SIGLEC6: variants seen among roughly 807,000 people sequenced by gnomAD.
SIGLEC6 encodes the protein sialic acid-binding Ig-like lectin 6.
In SIGLEC6, 31 loss-of-function variants were observed where a neutral mutation model predicts 41.4. The observed-to-expected ratio is 0.75, with a 90% confidence interval of 0.56 to 1.01. The LOEUF is 1.01. SIGLEC6 is among the 50% of genes least tolerant of loss of function. The pLI, the probability that SIGLEC6 is intolerant of heterozygous loss-of-function variation, is 0.00. For synonymous variants in SIGLEC6, 217 were observed against 231.0 expected, an observed-to-expected ratio of 0.94 and a Z score of 0.55; for missense variants, 555 against 558.6, an observed-to-expected ratio of 0.99 and a Z score of 0.06.
At position 51,520,224 on chromosome 19, in the gene SIGLEC6, A is replaced by G; in HGVS notation, c.1220T>C (p.Val407Ala). 1 of 1,601,276 alleles carries G rather than the reference A, an allele frequency of 6.2e-7. No homozygotes were observed. The highest frequency in any genetic ancestry group is 8.5e-7 in the Non-Finnish European group (1 of 1,170,556). Residue 407 changes from valine to alanine, a missense_variant, in exon 8 of 8, where the codon GTT (valine) becomes GCT (alanine). By Grantham distance (64) the Val-to-Ala change is moderately conservative. Coordinates refer to ENST00000425629, the MANE Select transcript of SIGLEC6 (RefSeq NM_001245.7). ...GHQHQFQTGI[V>A]SDHPAEAGPI... is the part of the protein sequence containing the mutation. ...GCCAGCCTCAGCAGGGTGGTCTGAAACTATGCCTGTCTGGAACTGGTGCTG... is the reference window on the plus strand; with the variant it reads ...GCCAGCCTCAGCAGGGTGGTCTGAAGCTATGCCTGTCTGGAACTGGTGCTG...
chr19:51,530,254 A>T (rs542291211), intron 4 of SIGLEC6, among the ~76,000 whole-genome samples, 183 bp downstream of exon 4: 1 of 152,188 alleles, frequency 6.6e-6, no homozygotes, highest in South Asian at 2.1e-4. Context: ...AAGAGAGAAG[A>T]GGGAGTGCGA....
intron 6 of SIGLEC6, 78 bp from the exon 7 acceptor site, chr19:51,527,906 C>T: frequency 7.2e-7 from 1 of 1,394,768 alleles, no homozygotes; most frequent in Non-Finnish European, 1.0e-6. Flanking sequence ...TCCCCACTCC[C>T]TATGGAGAGT....
intron 7 of SIGLEC6, among the ~76,000 whole-genome samples, 195 bp downstream of exon 7, chr19:51,527,552 T>C (rs551272407): frequency 6.6e-6 from 1 of 152,232 alleles, no homozygotes; most frequent in Admixed American, 6.5e-5. Flanking sequence ...ACTATTAGAT[T>C]CAGTTCCAAA....
chr19:51,522,965 G>A (rs12461773), intron 7 of SIGLEC6, among the ~76,000 whole-genome samples: 9,827 of 152,152 alleles, frequency 0.065, 358 homozygotes, highest in South Asian at 0.12. Context: ...GTGAGACCCT[G>A]TCTTTACAAA....
chr19:51,523,430 T>G (rs1360405917), intron 7 of SIGLEC6, among the ~76,000 whole-genome samples: 2 of 152,146 alleles, frequency 1.3e-5, no homozygotes, highest in East Asian at 3.8e-4. Context: ...GATTAAAATG[T>G]TTTCACAATA....
rs1568555028 is a variant in SIGLEC6 at position 51,529,929 on chromosome 19, A to T, written c.807T>A (p.Ala269=). The T allele has an allele frequency of 6.2e-7, 1 of 1,612,736 alleles. No individual in the cohort carries two copies. Reference sequence around the variant, plus strand: ...CGTCAGCATCACAGAGCAGCCGCAGAGCCTGGCCCTCCAGGACAGGGAGGG... The same window carrying T: ...CGTCAGCATCACAGAGCAGCCGCAGTGCCTGGCCCTCCAGGACAGGGAGGG... The part of the protein sequence containing the change: ...TSSLPVLEGQ[A]LRLLCDADGN... Residue 269 remains alanine (A), a synonymous_variant, in exon 5 of 8, where the codon GCT becomes GCA. Transcript: ENST00000425629.
intron 7 of SIGLEC6, among the ~76,000 whole-genome samples, chr19:51,526,112 T>C (rs1014775578): frequency 6.6e-6 from 1 of 152,142 alleles, no homozygotes; most frequent in African/African-American, 2.4e-5. Flanking sequence ...TGCATTCCTC[T>C]AGGATGAAGC....
rs974889158 is a variant in SIGLEC6 at position 51,519,297 on chromosome 19, A to G, written c.*785T>C. 1.1e-4 allele frequency among the ~76,000 whole-genome samples: 1 copy of G among 9,210 alleles called. No individual in the cohort carries two copies. The highest frequency in any genetic ancestry group is 7.1e-4 in the East Asian group (1 of 1,404). 6.0% of individuals were successfully genotyped at this position (9,210 alleles called of 152,430 possible). ...GAGATACAGCAAGACTCCATCTCAG[A>G]AAAAAAAAAAAAAAAAAAAAGCTAG... On this transcript the variant is annotated 3_prime_UTR_variant, in exon 8 of 8. Coordinates refer to ENST00000425629, the MANE Select transcript of SIGLEC6 (RefSeq NM_001245.7).
rs769390343 is a variant in SIGLEC6, at chr19:51,530,683, G to A, written c.704C>T (p.Ser235Phe). The A allele has an allele frequency of 4.5e-5, 72 of 1,613,306 alleles. No individual in the cohort carries two copies. Among genetic ancestry groups the A allele is most frequent in the Non-Finnish European group, 5.7e-5 (67 of 1,179,772 alleles). The change falls in exon 3 of 8, where the codon TCC becomes TTC. Residue 235 changes from serine (S) to phenylalanine (F), a missense_variant and splice_region_variant. Ser to Phe is a radical substitution (Grantham distance 155, BLOSUM62 -2). Coordinates refer to ENST00000425629, the MANE Select transcript of SIGLEC6 (RefSeq NM_001245.7). ...TMERTIQLNVSYAPQKVAISI... is the reference protein window; with the variant it reads ...TMERTIQLNVFYAPQKVAISI... ...GGGCGTCCTGGCCCAGCACTCACAG[G>A]AGACATTGAGCTGGATGGTTCTCTC... is the stretch of plus-strand genomic sequence containing the variant.
intron 5 of SIGLEC6, among the ~76,000 whole-genome samples, chr19:51,529,171 TCA>T (rs1370697659): frequency 6.6e-6 from 1 of 152,122 alleles, no homozygotes; most frequent in Non-Finnish European, 1.5e-5. Context: ...AGAGATTCTC[TCA>T]CAGCCTCAAA....
At chr19:51,523,803 G>A (rs568295865) in intron 7 of SIGLEC6, among the ~76,000 whole-genome samples, 49 of 152,298 alleles carry the variant, frequency 3.2e-4, no homozygotes, top group South Asian at 4.1e-4. Flanking sequence ...GGTGGATCAC[G>A]AGGTCAGGAG....
chr19:51,522,479 T>C (rs187628391), intron 7 of SIGLEC6, among the ~76,000 whole-genome samples: 13 of 152,306 alleles, frequency 8.5e-5, no homozygotes, highest in Admixed American at 1.3e-4. Flanking sequence ...AAAACGGCTA[T>C]AAATACACAT....
intron 2 of SIGLEC6, 74 bp downstream of exon 2, chr19:51,531,086 G>A (rs1034811536): frequency 5.4e-4 from 830 of 1,533,726 alleles, no homozygotes; most frequent in Non-Finnish European, 7.0e-4. Context: ...TCCCAAGACG[G>A]GGCTCCCGTC....
Position 51,528,172 on chromosome 19 carries a change from C to T in SIGLEC6, c.1094G>A (p.Cys365Tyr), listed in dbSNP as rs1420990917. ...SITTLVFLCV[C>Y]FIFRVKTRRK... Reference sequence around the variant, plus strand: ...AGCCCACTCTCACCTGAAGATGAAGCAAACACAGAGGAAAACCAGGGTTGT... The same window carrying T: ...AGCCCACTCTCACCTGAAGATGAAGTAAACACAGAGGAAAACCAGGGTTGT... The change falls in exon 6 of 8, where the codon TGC (cysteine) becomes TAC (tyrosine). Residue 365 changes from cysteine to tyrosine, a missense_variant. By Grantham distance (194) the Cys-to-Tyr change is radical. Transcript: ENST00000425629. 1.9e-6 allele frequency: 3 copies of T among 1,614,122 alleles called. No homozygotes were observed. Among genetic ancestry groups the T allele is most frequent in the Non-Finnish European group, 2.5e-6 (3 of 1,179,960 alleles).
intron 7 of SIGLEC6, among the ~76,000 whole-genome samples, chr19:51,521,171 T>C (rs1191193549): frequency 6.6e-6 from 1 of 152,230 alleles, no homozygotes; most frequent in Non-Finnish European, 1.5e-5. Flanking sequence ...CTTCTCTTTC[T>C]AATGCCCCTG....
rs1295832117 is a variant in SIGLEC6, at chr19:51,531,300, A to C, written c.287T>G (p.Leu96Arg). ...GCAGTTCTTCCTTCTGGGATCCCAG[A>C]GGAGGTGGAATCGGCCCCGGGTCTC... ...QEETRGRFHL[L>R]WDPRRKNCSL... The change falls in exon 2 of 8, where the codon CTC becomes CGC. Residue 96 changes from leucine to arginine, a missense_variant. Transcript: ENST00000425629. 1 of 1,614,100 alleles carries C rather than the reference A, an allele frequency of 6.2e-7. No individual in the cohort carries two copies. The highest frequency in any genetic ancestry group is 1.7e-5 in the Admixed American group (1 of 60,020).
At chr19:51,530,571 G>A in intron 3 of SIGLEC6, 87 bp from the exon 4 acceptor site, 2 of 1,607,174 alleles carry the variant, frequency 1.2e-6, no homozygotes, top group South Asian at 1.1e-5. Context: ...TGAAAACAGG[G>A]AAAGGGGCTC....
Position 51,520,114 on chromosome 19 carries a change from T to C in SIGLEC6, c.1330A>G (p.Thr444Ala), listed in dbSNP as rs1385941207. The C allele has an allele frequency of 8.8e-6, 14 of 1,591,154 alleles. No homozygotes were observed. Among genetic ancestry groups the C allele is most frequent in the Non-Finnish European group, 1.2e-5 (14 of 1,162,384 alleles). ...TGTATCTTGATTTCTGAGTACTCAG[T>C]GTCGGTGACCTTTGGTTCCTGAGGT... ...VQPQEPKVTD[T>A]EYSEIKIHK Residue 444 changes from threonine (T) to alanine (A), a missense_variant, in exon 8 of 8, where the codon ACT (threonine) becomes GCT (alanine). Physicochemically the swap from Thr to Ala is moderately conservative, Grantham distance 58 (BLOSUM62 0). Coordinates refer to ENST00000425629, the MANE Select transcript of SIGLEC6 (RefSeq NM_001245.7).
intron 5 of SIGLEC6, 157 bp from the exon 6 acceptor site, chr19:51,528,410 T>G: frequency 1.6e-6 from 1 of 644,710 alleles, no homozygotes. Flanking sequence ...CTCTTCTCTC[T>G]CCATGACTCC....
Sources: allele counts gnomAD v4.1 joint callset (sites outside exome capture counted in the v4.1 genomes callset), GRCh38; gene constraint gnomAD v4.1.1; transcripts MANE v1.5; gene names NCBI Gene and HGNC (gene_info 2026-07-23, HGNC 2026-07-21).